Variants in GNAI1 observed in about 807,000 individuals in gnomAD.
GNAI1 encodes the protein guanine nucleotide-binding protein G(i) subunit alpha-1.
In GNAI1, 11 loss-of-function variants were observed where a neutral mutation model predicts 38.9. The ratio of observed to expected loss-of-function variants is 0.28; its 90% confidence interval spans 0.18 to 0.47. The LOEUF (loss-of-function observed/expected upper bound fraction) is 0.47, where lower values mean the gene tolerates loss of function less well. GNAI1 is among the 20% of genes least tolerant of loss of function. GNAI1 has a pLI of 0.99. For missense variants in GNAI1, 317 were observed against 436.9 expected, an observed-to-expected ratio of 0.73 and a Z score of 2.45; for synonymous variants, 166 against 145.1, an observed-to-expected ratio of 1.14 and a Z score of -1.04.
Position 80,200,255 on chromosome 7 carries a change from C to CT in GNAI1, c.461+876dup, listed in dbSNP as rs565036645. On this transcript the variant is annotated intron_variant, in intron 4 of 7. Coordinates refer to ENST00000649796, the MANE Select transcript of GNAI1 (RefSeq NM_002069.6). ...AGAGGATGATTGCTTGAACCCAGGACTTTGAGTTTGCAGTGAGCCATGCTC... is the reference window on the plus strand; with the variant it reads ...AGAGGATGATTGCTTGAACCCAGGACTTTTGAGTTTGCAGTGAGCCATGCTC... 1.7e-4 allele frequency among the ~76,000 whole-genome samples: 22 copies of CT among 128,008 alleles called. 1 individual carries two copies. Among genetic ancestry groups the CT allele is most frequent in the African/African-American group, 5.3e-4 (18 of 33,884 alleles). 84.0% of individuals were successfully genotyped at this position (128,008 alleles called of 152,430 possible). A position where few individuals can be genotyped will look rare whatever the true frequency, so the allele number is the denominator to read the frequency against.
chr7:80,168,674 C>T (rs1015012076), intron 1 of GNAI1, among the ~76,000 whole-genome samples: 10 of 152,142 alleles, frequency 6.6e-5, no homozygotes, highest in East Asian at 5.8e-4. Flanking sequence ...TGAGCCACCG[C>T]GCCTGGCCAA....
At chr7:80,206,019 A>G (rs1218559836) in intron 5 of GNAI1, among the ~76,000 whole-genome samples, 1 of 152,070 alleles carries the variant, frequency 6.6e-6, no homozygotes, top group African/African-American at 2.4e-5. Context: ...AAAAATAATT[A>G]TCAGTTCATC....
chr7:80,176,966 A>T (rs79378391), intron 1 of GNAI1, among the ~76,000 whole-genome samples: 1,505 of 148,786 alleles, frequency 0.01, 12 homozygotes, highest in East Asian at 0.039. Flanking sequence ...AAATTATACT[A>T]AGTCTGCTGT....
chr7:80,201,305 G>GTAC (rs1027969009), intron 4 of GNAI1, among the ~76,000 whole-genome samples: 4 of 152,254 alleles, frequency 2.6e-5, no homozygotes, highest in Non-Finnish European at 5.9e-5. Flanking sequence ...TAATTAAGGG[G>GTAC]TACTACTTGG....
intron 1 of GNAI1, among the ~76,000 whole-genome samples, chr7:80,167,642 A>G (rs1788034237): frequency 6.6e-6 from 1 of 152,214 alleles, no homozygotes; most frequent in Non-Finnish European, 1.5e-5. Context: ...GCTCAGCCAC[A>G]ACTGTGTCTT....
intron 1 of GNAI1, among the ~76,000 whole-genome samples, chr7:80,184,799 A>G (rs535125437): frequency 2.6e-5 from 4 of 152,222 alleles, no homozygotes; most frequent in Admixed American, 2.6e-4. Context: ...TACCTACTAT[A>G]ACATCACAAC....
chr7:80,162,948 A>G (rs1238718559), intron 1 of GNAI1, among the ~76,000 whole-genome samples: 1 of 152,204 alleles, frequency 6.6e-6, no homozygotes, highest in Admixed American at 6.5e-5. Flanking sequence ...TTGTCTTCCC[A>G]CAAAATCTTT....
intron 1 of GNAI1, among the ~76,000 whole-genome samples, chr7:80,150,297 A>T (rs1787701055): frequency 6.6e-6 from 1 of 152,226 alleles, no homozygotes; most frequent in Admixed American, 6.5e-5. Flanking sequence ...GTGAATAAAT[A>T]TGTGAGCAGG....
At chr7:80,184,265 G>A (rs1788350869) in intron 1 of GNAI1, among the ~76,000 whole-genome samples, 1 of 152,104 alleles carries the variant, frequency 6.6e-6, no homozygotes, top group Non-Finnish European at 1.5e-5. Context: ...AGGAAGGAAC[G>A]CGCACCTGGA....
chr7:80,172,952 A>G (rs1356116655), intron 1 of GNAI1, among the ~76,000 whole-genome samples: 4 of 152,204 alleles, frequency 2.6e-5, no homozygotes, highest in African/African-American at 2.4e-5. Context: ...TATCCCCCCA[A>G]TAACCAGTGT....
At position 80,219,856 on chromosome 7, in the gene GNAI1, C is replaced by T. The variant is rs1014783985; in HGVS notation, c.*2363C>T. On this transcript the variant is annotated 3_prime_UTR_variant, in exon 8 of 8. Coordinates refer to ENST00000649796, the MANE Select transcript of GNAI1 (RefSeq NM_002069.6). ...TAAGCCCTGCATGCATTAGGTGGAA[C>T]TCTTCTGATTCCTAATCTCCATTTC... Among the ~76,000 whole-genome samples the T allele has an allele frequency of 6.6e-6, 1 of 152,170 alleles. No individual in the cohort carries two copies. The highest frequency in any genetic ancestry group is 2.4e-5 in the African/African-American group (1 of 41,460).
At chr7:80,192,271 A>G (rs746120134) in intron 3 of GNAI1, among the ~76,000 whole-genome samples, 2 of 152,062 alleles carry the variant, frequency 1.3e-5, no homozygotes, top group Non-Finnish European at 2.9e-5. Flanking sequence ...GAATGTTTGT[A>G]GTTTTATTTT....
At chr7:80,197,117 C>CAT (rs1370919312) in intron 3 of GNAI1, among the ~76,000 whole-genome samples, 18 of 151,446 alleles carry the variant, frequency 1.2e-4, no homozygotes, top group Middle Eastern at 3.4e-3. Flanking sequence ...ACCCCATAAC[C>CAT]ATAACTACTG....
chr7:80,149,895 A>G (rs374372787), intron 1 of GNAI1, among the ~76,000 whole-genome samples: 14 of 152,178 alleles, frequency 9.2e-5, no homozygotes, highest in African/African-American at 3.1e-4. Context: ...AAATGAGAAG[A>G]AAAAAGGAAA....
intron 1 of GNAI1, among the ~76,000 whole-genome samples, chr7:80,173,540 G>T (rs1788132428): frequency 6.6e-6 from 1 of 152,070 alleles, no homozygotes; most frequent in Non-Finnish European, 1.5e-5. Flanking sequence ...AGATAAAAAT[G>T]TTTCATCACT....
chr7:80,198,328 T>C (rs1301507910), intron 3 of GNAI1, among the ~76,000 whole-genome samples: 3 of 152,098 alleles, frequency 2.0e-5, no homozygotes, highest in Non-Finnish European at 4.4e-5. Flanking sequence ...TTAAAAATCA[T>C]TTCACCTAGC....
chr7:80,165,765 G>T (rs1206723952), intron 1 of GNAI1, among the ~76,000 whole-genome samples: 1 of 152,034 alleles, frequency 6.6e-6, no homozygotes, highest in African/African-American at 2.4e-5. Context: ...AAGAACAAAT[G>T]CTATTTGAGA....
At chr7:80,172,536 G>GAGT (rs1187128446) in intron 1 of GNAI1, among the ~76,000 whole-genome samples, 1 of 152,082 alleles carries the variant, frequency 6.6e-6, no homozygotes, top group Non-Finnish European at 1.5e-5. Flanking sequence ...TTTTGATGTA[G>GAGT]AGTCATGACC....
rs1205713482 is a variant in GNAI1, at chr7:80,221,201, T to A, written c.*3708T>A. 6.6e-6 allele frequency among the ~76,000 whole-genome samples: 1 copy of A among 152,174 alleles called. No homozygotes were observed. Among genetic ancestry groups the A allele is most frequent in the Non-Finnish European group, 1.5e-5 (1 of 68,022 alleles). On this transcript the variant is annotated 3_prime_UTR_variant, in exon 8 of 8. Coordinates refer to ENST00000649796, the MANE Select transcript of GNAI1 (RefSeq NM_002069.6). ...CAATTTCTTATTAACTGGGAAAATC[T>A]GGGCAAATAATTTAGTTTTGCTCTG...
Sources: gnomAD v4.1 joint callset for allele counts (sites outside exome capture counted in the v4.1 genomes callset) on GRCh38, gnomAD v4.1.1 for gene constraint, MANE v1.5 for transcripts, NCBI Gene and HGNC (gene_info 2026-07-23, HGNC 2026-07-21) for gene names.